The following TDRD6 variants were observed in gnomAD, a reference collection of about 807,000 sequenced individuals.
The protein encoded by TDRD6 is tudor domain containing 6, also known as tudor domain-containing protein 6.
In TDRD6, 186 loss-of-function variants were observed where a neutral mutation model predicts 157.5. That is an observed-to-expected ratio of 1.18 (90% CI 1.05 to 1.33). TDRD6 has a LOEUF of 1.33. Ranked by LOEUF, TDRD6 falls within the 40% of genes most tolerant of loss-of-function variation. The pLI is 0.00. For missense variants in TDRD6, 3,066 were observed against 2,508.0 expected (o/e 1.22, Z -4.75); for synonymous variants, 1,075 against 945.2 (o/e 1.14, Z -2.52).
chr6:46,695,766 T>G, intron 1 of TDRD6, 55 bp from the exon 2 acceptor site: 1 of 1,566,010 alleles, frequency 6.4e-7, no homozygotes, highest in Non-Finnish European at 8.7e-7. Flanking sequence ...CTTGTGTATG[T>G]TACATTAAGG....
rs759492653 is a variant in TDRD6, at chr6:46,693,524, G to A, written c.5396G>A (p.Cys1799Tyr). 6.2e-7 allele frequency: 1 copy of A among 1,613,910 alleles called. No homozygotes were observed. ...GAGGAACTGGAAGGTGAATTAGAGT[G>A]CCATCTGGTTGACAAAGCAGAGTTT... The part of the protein sequence containing the change: ...DTEELEGELE[C>Y]HLVDKAEFDD... The change falls in exon 1 of 4, where the codon TGC becomes TAC. Residue 1799 changes from cysteine to tyrosine, a missense_variant. Cys to Tyr is a radical substitution (Grantham distance 194, BLOSUM62 -2). Transcript: ENST00000316081.
At chr6:46,694,201 T>A in intron 1 of TDRD6, 27 bp downstream of exon 1, 44 of 34,354 alleles carry the variant, frequency 1.3e-3, no homozygotes, top group Non-Finnish European at 1.6e-3. Flanking sequence ...TCCTTTTTAC[T>A]TTTTTTTTTT....
At chr6:46,687,836 C>T, upstream of TDRD6, 1 of 378,116 alleles carries the variant, frequency 2.6e-6, no homozygotes, top group East Asian at 5.5e-5. Context: ...TCGGCTGGCC[C>T]CGCCCACTCT....
chr6:46,684,358 C>T (rs1488372071), upstream of TDRD6, among the ~76,000 whole-genome samples: 1 of 129,670 alleles, frequency 7.7e-6, no homozygotes, highest in Admixed American at 8.0e-5. Context: ...AATTTATAAG[C>T]ACACATTTGT....
the TDRD6 span, among the ~76,000 whole-genome samples, chr6:46,681,093 GT>G: frequency 2.6e-5 from 4 of 152,202 alleles, no homozygotes; most frequent in African/African-American, 4.8e-5. Flanking sequence ...GAAGGTATCT[GT>G]TGAATTGAGA....
Position 46,691,193 on chromosome 6 carries a change from TAAGTA to T in TDRD6, c.3070_3074del (p.Lys1024PhefsTer21), listed in dbSNP as rs752165072. ...CAGTTGTCATGTAGTATTACACAAT[TAAGTA>T]AAGTTTTGCTGAATTTAAAAACATC... On this transcript the variant is annotated frameshift_variant, in exon 1 of 4. Transcript: ENST00000316081. LOFTEE classifies it high-confidence loss of function. 8 of 1,612,868 alleles carry T rather than the reference TAAGTA, an allele frequency of 5.0e-6. No individual in the cohort carries two copies. The highest frequency in any genetic ancestry group is 1.7e-5 in the Admixed American group (1 of 59,788).
At chr6:46,701,818 G>GTTTCTT (rs1393838310) in intron 3 of TDRD6, 40 bp from the exon 4 acceptor site, 1 of 1,609,836 alleles carries the variant, frequency 6.2e-7, no homozygotes, top group Non-Finnish European at 8.5e-7. Flanking sequence ...TTGTTTGTAT[G>GTTTCTT]TTTCTTTCTC....
Position 46,694,007 on chromosome 6 carries a change from A to G in TDRD6, c.5879A>G (p.His1960Arg), listed in dbSNP as rs778939116. Residue 1960 changes from histidine to arginine, a missense_variant, in exon 1 of 4, where the codon CAT (histidine) becomes CGT (arginine). His to Arg is a conservative substitution (Grantham distance 29). Coordinates refer to ENST00000316081, the MANE Select transcript of TDRD6 (RefSeq NM_001010870.3). ...DDQRRMSLHL[H>R]GADCDPKTQN... ...CAGCGCAGGATGTCATTGCATCTAC[A>G]TGGAGCAGATTGTGATCCTAAAACA... 9 of 1,613,926 alleles carry G rather than the reference A, an allele frequency of 5.6e-6. No individual in the cohort carries two copies. Among genetic ancestry groups the G allele is most frequent in the African/African-American group, 2.7e-5 (2 of 74,932 alleles).
chr6:46,694,196 T>A (rs1338653481), intron 1 of TDRD6, 22 bp downstream of exon 1: 1 of 1,471,654 alleles, frequency 6.8e-7, no homozygotes, highest in East Asian at 2.3e-5. Context: ...TTTTTTCCTT[T>A]TTACTTTTTT....
At chr6:46,685,272 G>C (rs1764063868), upstream of TDRD6, among the ~76,000 whole-genome samples, 1 of 151,100 alleles carries the variant, frequency 6.6e-6, no homozygotes, top group South Asian at 2.1e-4. Flanking sequence ...TTTCTTACTT[G>C]AACTGTTTTC....
chr6:46,687,247 G>A (rs1399559145), upstream of TDRD6, among the ~76,000 whole-genome samples: 10 of 152,128 alleles, frequency 6.6e-5, no homozygotes, highest in Non-Finnish European at 8.8e-5. Flanking sequence ...CCAGTTCTGT[G>A]CTAGCTCTGT....
At position 46,689,925 on chromosome 6, in the gene TDRD6, G is replaced by A. The variant is rs1409038369; in HGVS notation, c.1797G>A (p.Lys599=). 10 of 1,614,066 alleles carry A rather than the reference G, an allele frequency of 6.2e-6. No homozygotes were observed. Among genetic ancestry groups the A allele is most frequent in the Non-Finnish European group, 8.5e-6 (10 of 1,180,040 alleles). The change falls in exon 1 of 4, where the codon AAG becomes AAA. Residue 599 remains lysine (K), a synonymous_variant. Transcript: ENST00000316081. The part of the protein sequence containing the change: ...QFRQLPILAV[K]CTLADIWPLG... ...GGCAGCTACCAATATTGGCTGTGAA[G>A]TGCACCCTGGCTGATATTTGGCCTT... is the stretch of plus-strand genomic sequence containing the variant.
intron 2 of TDRD6, 49 bp from the exon 3 acceptor site, chr6:46,697,949 G>A: frequency 9.5e-7 from 1 of 1,052,450 alleles, no homozygotes; most frequent in South Asian, 1.6e-5. Context: ...ACATAAATCA[G>A]TTATTTTTTT....
chr6:46,700,799 T>C (rs1351891698), intron 3 of TDRD6, among the ~76,000 whole-genome samples: 7 of 152,090 alleles, frequency 4.6e-5, no homozygotes, highest in African/African-American at 1.2e-4. Context: ...CAGGGATATG[T>C]TCTAGAGAAA....
chr6:46,686,599 A>G (rs575151512), upstream of TDRD6, among the ~76,000 whole-genome samples: 1 of 152,348 alleles, frequency 6.6e-6, no homozygotes, highest in South Asian at 2.1e-4. Flanking sequence ...TCCATAATGA[A>G]TATGAAACAA....
Position 46,690,916 on chromosome 6 carries a change from A to G in TDRD6, c.2788A>G (p.Ile930Val), listed in dbSNP as rs762957682. The change falls in exon 1 of 4, where the codon ATT becomes GTT. Residue 930 changes from isoleucine to valine, a missense_variant. Coordinates refer to ENST00000316081, the MANE Select transcript of TDRD6 (RefSeq NM_001010870.3). ...LKCTIFALAS[I>V]NEELFNIVDL... is the part of the protein sequence containing the mutation. Reference sequence around the variant, plus strand: ...ATGTACAATATTTGCTCTGGCTTCAATTAATGAAGAACTGTTTAACATTGT... The same window carrying G: ...ATGTACAATATTTGCTCTGGCTTCAGTTAATGAAGAACTGTTTAACATTGT... The G allele has an allele frequency of 6.2e-6, 10 of 1,614,122 alleles. No individual in the cohort carries two copies. The highest frequency in any genetic ancestry group is 4.4e-5 in the South Asian group (4 of 91,072).
chr6:46,693,582 AT>A lies in TDRD6; in HGVS notation c.5456del (p.Leu1819TyrfsTer12), dbSNP rs774474010. The A allele has an allele frequency of 6.2e-7, 1 of 1,614,228 alleles. No homozygotes were observed. The highest frequency in any genetic ancestry group is 8.5e-7 in the Non-Finnish European group (1 of 1,180,042). On this transcript the variant is annotated frameshift_variant, in exon 1 of 4. Transcript: ENST00000316081. LOFTEE classifies it high-confidence loss of function. ...DKYLITGFNT[L>X]LPHANETKEI... ...AATACCTGATTACAGGATTTAACAC[AT>A]TACTACCACATGCTAATGAAACAAA...
rs373230169 is a variant in TDRD6 at position 46,691,109 on chromosome 6, A to G, written c.2981A>G (p.His994Arg). 48 of 1,614,004 alleles carry G rather than the reference A, an allele frequency of 3.0e-5. No individual in the cohort carries two copies. In the Middle Eastern group the frequency reaches 4.3e-3, roughly 144 times the overall value. The change falls in exon 1 of 4, where the codon CAT becomes CGT. Residue 994 changes from histidine (H) to arginine (R), a missense_variant. His to Arg is a conservative substitution (Grantham distance 29, BLOSUM62 0). Coordinates refer to ENST00000316081, the MANE Select transcript of TDRD6 (RefSeq NM_001010870.3). ...IGSEELVYIT[H>R]IDDPWTFYCQ... Reference sequence around the variant, plus strand: ...AGTGAAGAATTAGTTTATATAACGCATATTGATGACCCTTGGACATTTTAT... The same window carrying G: ...AGTGAAGAATTAGTTTATATAACGCGTATTGATGACCCTTGGACATTTTAT...
In TDRD6 at chr6:46,689,479, G is replaced by C; in HGVS notation, c.1351G>C (p.Ala451Pro). 3.7e-6 allele frequency: 6 copies of C among 1,613,678 alleles called. No homozygotes were observed. Among genetic ancestry groups the C allele is most frequent in the Non-Finnish European group, 5.1e-6 (6 of 1,180,034 alleles). The change falls in exon 1 of 4, where the codon GCA becomes CCA. Residue 451 changes from alanine to proline, a missense_variant. Transcript: ENST00000316081. ...CLADRVLQSQ[A>P]TEEEEPETSQ... ...GGCTGACCGAGTCCTTCAGAGCCAG[G>C]CAACAGAGGAGGAGGAACCAGAAAC...
Sources: allele counts gnomAD v4.1 joint callset (sites outside exome capture counted in the v4.1 genomes callset), GRCh38; gene constraint gnomAD v4.1.1; transcripts MANE v1.5; gene names NCBI Gene and HGNC (gene_info 2026-07-23, HGNC 2026-07-21).